Variants in CHST11 observed in about 807,000 individuals in gnomAD.
CHST11 encodes carbohydrate sulfotransferase 11, also known as C4S-1.
Under a neutral mutation model 30.4 loss-of-function variants are expected in CHST11, and 9 were observed. The observed-to-expected ratio is 0.30, with a 90% CI of 0.18 to 0.52. CHST11 has a LOEUF of 0.52. Ranked by LOEUF, CHST11 falls within the 20% of genes least tolerant of loss-of-function variation. The pLI is 0.97. For missense variants in CHST11, 348 were observed against 460.6 expected, an observed-to-expected ratio of 0.76 and a Z score of 2.24; for synonymous variants, 152 against 187.8, an observed-to-expected ratio of 0.81 and a Z score of 1.56.
At chr12:104,743,859 C>T (rs2040367953) in intron 2 of CHST11, among the ~76,000 whole-genome samples, 1 of 152,160 alleles carries the variant, frequency 6.6e-6, no homozygotes, top group African/African-American at 2.4e-5. Context: ...GAACATGTGG[C>T]ATTTGGTTTT....
intron 2 of CHST11, among the ~76,000 whole-genome samples, chr12:104,683,416 C>T (rs928541807): frequency 1.3e-5 from 2 of 152,204 alleles, no homozygotes; most frequent in African/African-American, 4.8e-5. Context: ...CTTCGAATCA[C>T]ATTTTGGAGG....
intron 1 of CHST11, among the ~76,000 whole-genome samples, chr12:104,488,569 GTGTA>G (rs1424424189): frequency 6.0e-5 from 8 of 133,864 alleles, no homozygotes; most frequent in Non-Finnish European, 1.0e-4. Context: ...GTGTATGCGT[GTGTA>G]TGTGTGTGTA....
chr12:104,618,856 G>A (rs11613724), intron 2 of CHST11, among the ~76,000 whole-genome samples: 3,741 of 152,202 alleles, frequency 0.025, 63 homozygotes, highest in Non-Finnish European at 0.036. Context: ...ATTGCTCATG[G>A]GACCAGGCGA....
intron 2 of CHST11, among the ~76,000 whole-genome samples, chr12:104,697,616 C>T (rs1341749946): frequency 6.6e-6 from 1 of 152,144 alleles, no homozygotes; most frequent in Non-Finnish European, 1.5e-5. Flanking sequence ...TCTTATATAT[C>T]CTACTGATTC....
intron 2 of CHST11, among the ~76,000 whole-genome samples, chr12:104,703,519 TCTCCAGTCTCACCTGGA>T (rs1188116064): frequency 5.3e-5 from 8 of 152,118 alleles, no homozygotes; most frequent in African/African-American, 1.9e-4. Flanking sequence ...CCGTCTTTCT[TCTCCAGTCTCACCTGGA>T]TGAACCCATC....
chr12:104,499,938 G>T (rs2037836758), intron 1 of CHST11, among the ~76,000 whole-genome samples: 1 of 152,208 alleles, frequency 6.6e-6, no homozygotes, highest in South Asian at 2.1e-4. Context: ...GTATTTTTTT[G>T]ATGGTGGTAA....
intron 1 of CHST11, among the ~76,000 whole-genome samples, chr12:104,573,904 A>G (rs1319390439): frequency 6.6e-6 from 1 of 152,224 alleles, no homozygotes; most frequent in Non-Finnish European, 1.5e-5. Flanking sequence ...AAAAGAAACT[A>G]CTATCAGAGT....
chr12:104,664,202 G>T (rs1401459660), intron 2 of CHST11, among the ~76,000 whole-genome samples: 2 of 152,176 alleles, frequency 1.3e-5, no homozygotes, highest in African/African-American at 4.8e-5. Context: ...AGACCACGAG[G>T]TGAACTGAAT....
chr12:104,493,369 G>A (rs754229009), intron 1 of CHST11, among the ~76,000 whole-genome samples: 2 of 152,174 alleles, frequency 1.3e-5, no homozygotes, highest in African/African-American at 2.4e-5. Context: ...GGTAGGCCTT[G>A]GGCTACTTAA....
intron 1 of CHST11, among the ~76,000 whole-genome samples, chr12:104,582,011 C>G (rs1372799029): frequency 6.6e-6 from 1 of 152,144 alleles, no homozygotes; most frequent in Non-Finnish European, 1.5e-5. Flanking sequence ...AAGGGATGCA[C>G]TACGTCATTA....
chr12:104,733,130 C>T (rs1435624529), intron 2 of CHST11, among the ~76,000 whole-genome samples: 1 of 152,184 alleles, frequency 6.6e-6, no homozygotes, highest in Non-Finnish European at 1.5e-5. Flanking sequence ...CAGGGTGTGT[C>T]CTCTTCCCAC....
At chr12:104,650,343 C>G (rs1287510486) in intron 2 of CHST11, among the ~76,000 whole-genome samples, 1 of 152,160 alleles carries the variant, frequency 6.6e-6, no homozygotes, top group Non-Finnish European at 1.5e-5. Context: ...TCTCCTTGAG[C>G]TGAAGCTGGA....
At chr12:104,587,895 A>G (rs1219589957) in intron 1 of CHST11, among the ~76,000 whole-genome samples, 3 of 100,810 alleles carry the variant, frequency 3.0e-5, no homozygotes, top group African/African-American at 4.3e-5. Context: ...GCTGGAGGAG[A>G]TTAGGTTTTT....
intron 2 of CHST11, among the ~76,000 whole-genome samples, chr12:104,606,964 A>T (rs1404408373): frequency 6.6e-6 from 1 of 152,074 alleles, no homozygotes; most frequent in Non-Finnish European, 1.5e-5. Flanking sequence ...GCTACTCGGG[A>T]GGCTGAGGCA....
At chr12:104,538,039 G>A (rs142131991) in intron 1 of CHST11, among the ~76,000 whole-genome samples, 11 of 152,194 alleles carry the variant, frequency 7.2e-5, no homozygotes, top group African/African-American at 1.9e-4. Flanking sequence ...ACTAATGAAC[G>A]GATATTGATA....
intron 2 of CHST11, among the ~76,000 whole-genome samples, chr12:104,609,002 G>C (rs893517197): frequency 7.9e-5 from 12 of 152,228 alleles, no homozygotes; most frequent in African/African-American, 2.9e-4. Context: ...GCGTCAGATG[G>C]ACATTTCTGA....
intron 2 of CHST11, among the ~76,000 whole-genome samples, chr12:104,627,075 C>T (rs2039222803): frequency 6.6e-6 from 1 of 152,124 alleles, no homozygotes; most frequent in Non-Finnish European, 1.5e-5. Context: ...TCCAGAATGT[C>T]ATATAGTTGG....
chr12:104,598,000 AGT>A (rs2038923199), intron 1 of CHST11, among the ~76,000 whole-genome samples: 1 of 152,200 alleles, frequency 6.6e-6, no homozygotes, highest in Admixed American at 6.5e-5. Flanking sequence ...TCATCAGTAA[AGT>A]GAGAATGGTA....
intron 2 of CHST11, among the ~76,000 whole-genome samples, chr12:104,739,574 G>A (rs559618104): frequency 1.3e-5 from 2 of 152,334 alleles, no homozygotes; most frequent in East Asian, 3.9e-4. Context: ...CAGAGCCTGT[G>A]TTCTGAACCA....
Sources: allele counts gnomAD v4.1 joint callset (sites outside exome capture counted in the v4.1 genomes callset), GRCh38; gene constraint gnomAD v4.1.1; transcripts MANE v1.5; gene names NCBI Gene and HGNC (gene_info 2026-07-23, HGNC 2026-07-21).